RCAN1: variants seen among roughly 807,000 people sequenced by gnomAD.
RCAN1 encodes the protein calcipressin-1.
Under a neutral mutation model 22.9 loss-of-function variants are expected in RCAN1, and 11 were observed. The ratio of observed to expected loss-of-function variants is 0.48; its 90% confidence interval spans 0.30 to 0.79. RCAN1 has a LOEUF of 0.79. RCAN1 is among the 30% of genes least tolerant of loss of function. The pLI, the probability that RCAN1 is intolerant of heterozygous loss-of-function variation, is 0.06. For missense variants in RCAN1, 291 were observed against 337.8 expected, an observed-to-expected ratio of 0.86 and a Z score of 1.09; for synonymous variants, 136 against 142.3, an observed-to-expected ratio of 0.96 and a Z score of 0.32.
At chr21:34,561,243 C>T (rs1986779862) in intron 1 of RCAN1, among the ~76,000 whole-genome samples, 1 of 152,162 alleles carries the variant, frequency 6.6e-6, no homozygotes, top group Non-Finnish European at 1.5e-5. Context: ...TTCTTTATAG[C>T]AGCATGAGAA....
chr21:34,558,696 T>C (rs1986678125), intron 1 of RCAN1, among the ~76,000 whole-genome samples: 1 of 152,350 alleles, frequency 6.6e-6, no homozygotes, highest in Non-Finnish European at 1.5e-5. Flanking sequence ...AACCACGGCA[T>C]CTTCAAAAGG....
intron 1 of RCAN1, among the ~76,000 whole-genome samples, chr21:34,575,673 C>T (rs1031344885): frequency 1.3e-5 from 2 of 152,100 alleles, no homozygotes; most frequent in Non-Finnish European, 2.9e-5. Flanking sequence ...CAGGTGTGTG[C>T]CACCGTGCCA....
chr21:34,585,446 A>T (rs1235378116), intron 1 of RCAN1, among the ~76,000 whole-genome samples: 1 of 152,202 alleles, frequency 6.6e-6, no homozygotes, highest in Non-Finnish European at 1.5e-5. Context: ...AACAATTTTT[A>T]AAAATACATA....
chr21:34,605,620 G>C (rs1988499000), intron 1 of RCAN1, among the ~76,000 whole-genome samples: 1 of 152,156 alleles, frequency 6.6e-6, no homozygotes, highest in Non-Finnish European at 1.5e-5. Context: ...TTAATGCCAT[G>C]CTTTAAGATG....
At position 34,614,524 on chromosome 21, in the gene RCAN1, G is replaced by A. The variant is rs1988765316; in HGVS notation, c.252+236C>T. 4 of 1,039,240 alleles carry A rather than the reference G, an allele frequency of 3.8e-6. No homozygotes were observed. Among genetic ancestry groups the A allele is most frequent in the Admixed American group, 5.4e-5 (1 of 18,460 alleles). The allele number at this position is 1,039,240 out of a possible 1,614,324, so 64.4% of individuals were successfully genotyped here. On this transcript the variant is annotated intron_variant, in intron 1 of 3. Transcript: ENST00000313806. This position sits in a 1 kb window ranked among gnomAD's most constrained non-coding sequence, Gnocchi z 6.0. ...CCTGGGCGCACACGGGGGCCGGGGC[G>A]AGCCTGTGGGACTCTGCAGTGAGCT... is the stretch of plus-strand genomic sequence containing the variant.
At chr21:34,599,809 A>T (rs953649333) in intron 1 of RCAN1, among the ~76,000 whole-genome samples, 1 of 152,208 alleles carries the variant, frequency 6.6e-6, no homozygotes, top group Non-Finnish European at 1.5e-5. Context: ...GACAATCTAT[A>T]GTTGGTGCCT....
At chr21:34,526,529 C>T (rs547657366) in intron 1 of RCAN1, 4 of 860,122 alleles carry the variant, frequency 4.7e-6, no homozygotes, top group East Asian at 3.1e-5. Flanking sequence ...TTTCAAGGCT[C>T]GAAAGACTTT....
chr21:34,556,065 A>AAAATAAATAAATAAATAAAT (rs71324312), intron 1 of RCAN1, among the ~76,000 whole-genome samples: 146 of 108,146 alleles, frequency 1.4e-3, no homozygotes, highest in Non-Finnish European at 1.4e-3. Flanking sequence ...TCCATTTCAA[A>AAAATAAATAAATAAATAAAT]AAATAAATAA....
intron 3 of RCAN1, among the ~76,000 whole-genome samples, chr21:34,520,381 G>A (rs1984416130): frequency 6.6e-6 from 1 of 152,198 alleles, no homozygotes; most frequent in South Asian, 2.1e-4. Flanking sequence ...CGGGCCAGGA[G>A]CTGCTGTGGG....
chr21:34,570,893 TC>T (rs747351286), intron 1 of RCAN1, among the ~76,000 whole-genome samples: 1 of 152,134 alleles, frequency 6.6e-6, no homozygotes, highest in Non-Finnish European at 1.5e-5. Context: ...CTTTCCCCAA[TC>T]ATTGACTCAA....
chr21:34,552,100 T>C lies in RCAN1; in HGVS notation c.253-28390A>G, dbSNP rs142665044. 1.8e-3 allele frequency among the ~76,000 whole-genome samples: 280 copies of C among 152,270 alleles called. 1 individual carries two copies. The highest frequency in any genetic ancestry group is 3.4e-3 in the Middle Eastern group (1 of 294). On this transcript the variant is annotated intron_variant, in intron 1 of 3. Coordinates refer to ENST00000313806, the MANE Select transcript of RCAN1 (RefSeq NM_004414.7). The stretch of plus-strand genomic sequence containing the variant: ...TGCTGGAGGGCTGGTGTTTATATGA[T>C]GTAGAGAGGTTTGAGGTCTTGGATA...
Position 34,614,418 on chromosome 21 carries a change from A to C in RCAN1, c.252+342T>G. On this transcript the variant is annotated intron_variant, in intron 1 of 3. Transcript: ENST00000313806. The surrounding 1 kb of genome is among the most constrained non-coding windows in gnomAD (Gnocchi z 6.0). ...GGTGACCCCCTCCTCCAGCGAGTAA[A>C]TGCGGGGCGATGGCGAGAGCGCAGG... is the stretch of plus-strand genomic sequence containing the variant. 1.0e-6 allele frequency: 1 copy of C among 1,001,560 alleles called. No individual in the cohort carries two copies. The highest frequency in any genetic ancestry group is 1.2e-6 in the Non-Finnish European group (1 of 840,788). 62.0% of individuals were successfully genotyped at this position (1,001,560 alleles called of 1,614,324 possible).
intron 1 of RCAN1, chr21:34,559,559 G>A (rs1049384418): frequency 2.0e-5 from 3 of 152,148 alleles, no homozygotes; most frequent in Middle Eastern, 3.2e-3. Flanking sequence ...GTCAGCCAAA[G>A]TATCCGGAAC....
At chr21:34,575,130 C>G (rs1297950503) in intron 1 of RCAN1, among the ~76,000 whole-genome samples, 2 of 152,196 alleles carry the variant, frequency 1.3e-5, no homozygotes, top group Non-Finnish European at 2.9e-5. Context: ...GTGGGTCACT[C>G]TCTACCACAT....
chr21:34,518,348 A>T lies in RCAN1; in HGVS notation c.587-92T>A, dbSNP rs1984205900. 7.3e-7 allele frequency: 1 copy of T among 1,374,860 alleles called. No individual in the cohort carries two copies. The highest frequency in any genetic ancestry group is 9.9e-7 in the Non-Finnish European group (1 of 1,007,164). 85.2% of individuals were successfully genotyped at this position (1,374,860 alleles called of 1,614,324 possible). Reference sequence around the variant, plus strand: ...AGAGCATTCAGGGCTCTGCTGGGCCAGCTGCTCGTGACCATTCGATTGGGC... The same window carrying T: ...AGAGCATTCAGGGCTCTGCTGGGCCTGCTGCTCGTGACCATTCGATTGGGC... On this transcript the variant is annotated intron_variant, in intron 3 of 3. Transcript: ENST00000313806. This position sits in a 1 kb window ranked among gnomAD's most constrained non-coding sequence, Gnocchi z 4.2.
At chr21:34,538,631 G>C (rs561719795) in intron 1 of RCAN1, among the ~76,000 whole-genome samples, 5 of 152,264 alleles carry the variant, frequency 3.3e-5, no homozygotes, top group African/African-American at 1.2e-4. Flanking sequence ...GCTACCAAGT[G>C]GTCCTAGTGG....
At position 34,518,426 on chromosome 21, in the gene RCAN1, C is replaced by G. The variant is rs998828483; in HGVS notation, c.587-170G>C. 6.6e-6 allele frequency among the ~76,000 whole-genome samples: 1 copy of G among 152,190 alleles called. No individual in the cohort carries two copies. Among genetic ancestry groups the G allele is most frequent in the Non-Finnish European group, 1.5e-5 (1 of 68,032 alleles). On this transcript the variant is annotated intron_variant, in intron 3 of 3. Coordinates refer to ENST00000313806, the MANE Select transcript of RCAN1 (RefSeq NM_004414.7). The surrounding 1 kb of genome is among the most constrained non-coding windows in gnomAD (Gnocchi z 4.2). ...GTTTGTATTTCTTTGCTAGCTCATT[C>G]AGAAAAAGAGAGATTTCCATTGTGC...
At chr21:34,558,288 G>A (rs1204384614) in intron 1 of RCAN1, among the ~76,000 whole-genome samples, 1 of 152,138 alleles carries the variant, frequency 6.6e-6, no homozygotes. Flanking sequence ...CCAACACTCT[G>A]ACAAAGAACT....
At chr21:34,550,258 A>G (rs1986317633) in intron 1 of RCAN1, among the ~76,000 whole-genome samples, 1 of 152,246 alleles carries the variant, frequency 6.6e-6, no homozygotes, top group Non-Finnish European at 1.5e-5. Context: ...TGGAAGAACC[A>G]TGAAGTAATC....
Sources: allele counts gnomAD v4.1 joint callset (sites outside exome capture counted in the v4.1 genomes callset), GRCh38; gene constraint gnomAD v4.1.1; non-coding constraint Gnocchi (gnomAD v3.1); transcripts MANE v1.5; gene names NCBI Gene and HGNC (gene_info 2026-07-23, HGNC 2026-07-21).